ADAMTSL1: variants seen among roughly 807,000 people sequenced by gnomAD.
The protein encoded by ADAMTSL1 is ADAMTS like 1, also known as ADAMTS-like protein 1.
A neutral mutation model predicts 201.8 loss-of-function variants in ADAMTSL1; 126 were observed. The ratio of observed to expected loss-of-function variants is 0.62; its 90% CI spans 0.54 to 0.72. The LOEUF (loss-of-function observed/expected upper bound fraction) is 0.72. Ranked by LOEUF, ADAMTSL1 falls within the 30% of genes least tolerant of loss-of-function variation. The pLI is 0.00. For synonymous variants in ADAMTSL1, 1,121 were observed against 903.4 expected (o/e 1.24, Z -4.32); for missense variants, 2,679 against 2,277.8 (o/e 1.18, Z -3.59).
At chr9:18,512,309 C>G (rs1281681210) in intron 2 of ADAMTSL1, among the ~76,000 whole-genome samples, 1 of 151,956 alleles carries the variant, frequency 6.6e-6, no homozygotes, top group African/African-American at 2.4e-5. Context: ...TGTTTAGGAC[C>G]AATTTATGGC....
At chr9:18,659,237 T>C (rs1210892829) in intron 8 of ADAMTSL1, among the ~76,000 whole-genome samples, 1 of 152,210 alleles carries the variant, frequency 6.6e-6, no homozygotes, top group Non-Finnish European at 1.5e-5. Flanking sequence ...CATAAATTTT[T>C]GGAAAACATT....
At chr9:18,810,902 G>T (rs1823458349) in intron 20 of ADAMTSL1, among the ~76,000 whole-genome samples, 1 of 149,156 alleles carries the variant, frequency 6.7e-6, no homozygotes, top group East Asian at 2.0e-4. Flanking sequence ...AAAGCCAACT[G>T]ACCAAAGACC....
chr9:18,723,366 A>C, intron 15 of ADAMTSL1: 1 of 450,024 alleles, frequency 2.2e-6, no homozygotes, highest in Non-Finnish European at 4.1e-6. Context: ...CAACACCCAA[A>C]TGCTGAGGCA....
chr9:18,192,401 T>C (rs1829005596), intron 2 of ADAMTSL1, among the ~76,000 whole-genome samples: 1 of 152,180 alleles, frequency 6.6e-6, no homozygotes, highest in Admixed American at 6.6e-5. Context: ...CTCTAGATTA[T>C]GATTATAAAC....
chr9:18,856,460 A>ATTTT (rs398010404), intron 23 of ADAMTSL1, among the ~76,000 whole-genome samples: 27,954 of 111,648 alleles, frequency 0.25, 4,673 homozygotes, highest in South Asian at 0.36. Context: ...GATAAGAAGG[A>ATTTT]TTTTTTTTTT....
In ADAMTSL1 at chr9:18,892,499, C is replaced by G; in HGVS notation, c.4754C>G (p.Ser1585Cys). Residue 1585 changes from serine to cysteine, a missense_variant, in exon 26 of 29, where the codon TCC becomes TGC. By Grantham distance (112) the Ser-to-Cys change is moderately radical (BLOSUM62 -1). Transcript: ENST00000380548. Reference protein sequence around the residue: ...LKASGISTPVSNDMCTQVAKR... With the variant: ...LKASGISTPVCNDMCTQVAKR... Reference sequence around the variant, plus strand: ...GCCTCTGGGATCTCCACCCCTGTGTCCAATGACATGTGCACCCAGGTCGCC... The same window carrying G: ...GCCTCTGGGATCTCCACCCCTGTGTGCAATGACATGTGCACCCAGGTCGCC... The G allele has an allele frequency of 6.2e-7, 1 of 1,607,964 alleles. No individual in the cohort carries two copies. Among genetic ancestry groups the G allele is most frequent in the Non-Finnish European group, 8.5e-7 (1 of 1,177,374 alleles).
chr9:17,919,224 G>A (rs79473565), intron 1 of ADAMTSL1, among the ~76,000 whole-genome samples: 1 of 150,548 alleles, frequency 6.6e-6, no homozygotes, highest in East Asian at 1.9e-4. Flanking sequence ...GAGCCAAGTA[G>A]TACATTATTA....
chr9:18,108,270 G>A (rs1229214537), intron 1 of ADAMTSL1, among the ~76,000 whole-genome samples: 1 of 146,484 alleles, frequency 6.8e-6, no homozygotes, highest in Non-Finnish European at 1.5e-5. Context: ...ACACCATCAT[G>A]GCTCACAGCA....
At chr9:18,854,167 G>C (rs185101098) in intron 23 of ADAMTSL1, among the ~76,000 whole-genome samples, 60 of 152,160 alleles carry the variant, frequency 3.9e-4, no homozygotes, top group Admixed American at 2.3e-3. Context: ...TCACTATGCA[G>C]CTTCTGCCTT....
chr9:18,719,392 G>C (rs1376276108), intron 14 of ADAMTSL1, among the ~76,000 whole-genome samples: 2 of 151,948 alleles, frequency 1.3e-5, no homozygotes, highest in Non-Finnish European at 2.9e-5. Context: ...TTCTCACCCA[G>C]GCTGGAGTAC....
In ADAMTSL1 at chr9:17,935,461, A is replaced by G. The variant is rs548252085; in HGVS notation, c.87+28539A>G. Among the ~76,000 whole-genome samples the G allele has an allele frequency of 4.6e-5, 7 of 152,198 alleles. No individual in the cohort carries two copies. The East Asian group carries it at 9.6e-4, about 21-fold the overall frequency. The stretch of plus-strand genomic sequence containing the variant: ...GCCTAGACTCTAACCTCATGCATTC[A>G]CTATCTATTTAGCATTTCTACATGA... On this transcript the variant is annotated intron_variant, in intron 1 of 29. Transcript: ENST00000680146.
chr9:18,239,047 T>C (rs1318521676), intron 2 of ADAMTSL1, among the ~76,000 whole-genome samples: 2 of 152,202 alleles, frequency 1.3e-5, no homozygotes, highest in African/African-American at 4.8e-5. Flanking sequence ...TCTATAAAAA[T>C]GAATATACCT....
At chr9:18,246,437 A>G (rs1247463989) in intron 2 of ADAMTSL1, among the ~76,000 whole-genome samples, 1 of 152,192 alleles carries the variant, frequency 6.6e-6, no homozygotes, top group Admixed American at 6.5e-5. Context: ...GTCTAAGGGT[A>G]CTTAAAGAAG....
At chr9:18,561,904 C>G (rs1034778783) in intron 3 of ADAMTSL1, among the ~76,000 whole-genome samples, 1 of 152,054 alleles carries the variant, frequency 6.6e-6, no homozygotes, top group Admixed American at 6.6e-5. Flanking sequence ...TTATTTTGAG[C>G]CTATGTGTGT....
At chr9:18,892,301 C>T (rs1403874449) in intron 25 of ADAMTSL1, 88 bp from the exon 26 acceptor site, 1 of 1,348,066 alleles carries the variant, frequency 7.4e-7, no homozygotes, top group Non-Finnish European at 1.0e-6. Context: ...AAATTAGTGG[C>T]AAGAGCAGGG....
In ADAMTSL1 at chr9:18,784,699, G is replaced by A. The variant is rs373595689; in HGVS notation, c.3677+6793G>A. Among the ~76,000 whole-genome samples, 83 of 152,294 alleles carry A rather than the reference G, an allele frequency of 5.4e-4. No homozygotes were observed. In the South Asian group the frequency reaches 0.014, roughly 26 times the overall value. On this transcript the variant is annotated intron_variant, in intron 19 of 28. Transcript: ENST00000380548. ...CTCCCACCACATCCAGGCCAGTGGA[G>A]AAATCATCAGGCTCATCATCACAGG...
intron 1 of ADAMTSL1, among the ~76,000 whole-genome samples, chr9:18,139,352 C>T (rs149705731): frequency 2.5e-4 from 38 of 152,232 alleles, no homozygotes; most frequent in South Asian, 4.1e-4. Context: ...GAAGTAGAAC[C>T]GATGACATTA....
chr9:18,315,883 C>G (rs1384952993), intron 2 of ADAMTSL1, among the ~76,000 whole-genome samples: 2 of 152,152 alleles, frequency 1.3e-5, no homozygotes, highest in African/African-American at 4.8e-5. Flanking sequence ...TGTCACCTCT[C>G]TCTCTGATCT....
chr9:18,251,364 C>T (rs1452748847), intron 2 of ADAMTSL1, among the ~76,000 whole-genome samples: 2 of 151,992 alleles, frequency 1.3e-5, no homozygotes, highest in Non-Finnish European at 2.9e-5. Context: ...AAAGTTTTAT[C>T]GAGTCCTGAA....
Sources: allele counts gnomAD v4.1 joint callset (sites outside exome capture counted in the v4.1 genomes callset), GRCh38; gene constraint gnomAD v4.1.1; transcripts MANE v1.5; gene names NCBI Gene and HGNC (gene_info 2026-07-23, HGNC 2026-07-21).